The following MACROD2 variants were observed in gnomAD, a reference collection of about 807,000 sequenced individuals.
The protein encoded by MACROD2 is mono-ADP ribosylhydrolase 2.
MACROD2 carries 36 observed loss-of-function variants against 70.4 expected under a neutral mutation model. That is an observed-to-expected ratio of 0.51 (90% CI 0.39 to 0.68). The LOEUF is 0.68. Among genes scored for constraint, MACROD2 ranks in the 30% least tolerant of loss-of-function variants. MACROD2 has a pLI of 0.00. For synonymous variants in MACROD2, 172 were observed against 178.8 expected (o/e 0.96, Z 0.30); for missense variants, 496 against 538.4 (o/e 0.92, Z 0.78).
intron 6 of MACROD2, among the ~76,000 whole-genome samples, chr20:15,405,773 T>G (rs2045991714): frequency 6.6e-6 from 1 of 152,196 alleles, no homozygotes; most frequent in South Asian, 2.1e-4. Context: ...TCCATTCTCT[T>G]GCTCTCTTGA....
intron 15 of MACROD2, among the ~76,000 whole-genome samples, chr20:15,997,581 A>C (rs772578449): frequency 6.6e-5 from 10 of 152,148 alleles, no homozygotes; most frequent in Non-Finnish European, 1.5e-4. Context: ...TATTAGTTTT[A>C]ACAGTTTTTT....
intron 5 of MACROD2, among the ~76,000 whole-genome samples, chr20:14,801,980 T>C (rs1041077390): frequency 2.6e-5 from 4 of 152,088 alleles, no homozygotes; most frequent in African/African-American, 9.7e-5. Flanking sequence ...TATCAGTGAC[T>C]TTGAGGACTT....
intron 15 of MACROD2, among the ~76,000 whole-genome samples, chr20:16,011,556 T>C (rs1331089151): frequency 6.6e-6 from 1 of 152,176 alleles, no homozygotes; most frequent in African/African-American, 2.4e-5. Context: ...TTAAAGGAAA[T>C]GCCTGTGTGA....
At chr20:15,980,087 A>G (rs552629189) in intron 13 of MACROD2, among the ~76,000 whole-genome samples, 34 of 152,336 alleles carry the variant, frequency 2.2e-4, no homozygotes, top group Middle Eastern at 3.4e-3. Context: ...GGCTGCATGC[A>G]CCGGTGGTCA....
At chr20:15,385,648 A>T (rs1334057873) in intron 6 of MACROD2, among the ~76,000 whole-genome samples, 1 of 152,136 alleles carries the variant, frequency 6.6e-6, no homozygotes, top group African/African-American at 2.4e-5. Flanking sequence ...TTCTCCCTAG[A>T]TAGGTCCATT....
intron 3 of MACROD2, among the ~76,000 whole-genome samples, chr20:14,305,593 A>G (rs2082513210): frequency 1.3e-5 from 2 of 152,174 alleles, no homozygotes; most frequent in Non-Finnish European, 2.9e-5. Context: ...ATAGTAGAGC[A>G]TGGCATACTA....
intron 9 of MACROD2, among the ~76,000 whole-genome samples, chr20:15,880,065 AG>A (rs2064732974): frequency 6.6e-6 from 1 of 152,092 alleles, no homozygotes; most frequent in South Asian, 2.1e-4. Flanking sequence ...CACTCACATC[AG>A]GGAGGGCAGT....
intron 3 of MACROD2, among the ~76,000 whole-genome samples, chr20:14,234,274 A>G (rs976072810): frequency 6.6e-6 from 1 of 152,220 alleles, no homozygotes; most frequent in African/African-American, 2.4e-5. Flanking sequence ...TTAAAAAACC[A>G]TGTATTCTAT....
At chr20:15,311,799 G>A (rs1019379699) in intron 6 of MACROD2, among the ~76,000 whole-genome samples, 2 of 152,132 alleles carry the variant, frequency 1.3e-5, no homozygotes, top group African/African-American at 4.8e-5. Flanking sequence ...GAGGGAAAGG[G>A]GGACAGGAGT....
Position 15,933,143 on chromosome 20 carries a change from A to G in MACROD2, c.776-133A>G, listed in dbSNP as rs1002665989. ...TTTTTCTGTTTCATGCCTCTGATTC[A>G]TCTCTCTGCCTGGCTTTATGGGGAG... On this transcript the variant is annotated intron_variant, in intron 10 of 17. Transcript: ENST00000684519. 8 of 751,540 alleles carry G rather than the reference A, an allele frequency of 1.1e-5. No individual in the cohort carries two copies. The African/African-American group carries it at 1.4e-4, about 13-fold the overall frequency. The allele number at this position is 751,540 out of a possible 1,614,324, so 46.6% of individuals were successfully genotyped here.
At chr20:14,818,240 G>A (rs970036051) in intron 5 of MACROD2, among the ~76,000 whole-genome samples, 1 of 152,128 alleles carries the variant, frequency 6.6e-6, no homozygotes, top group African/African-American at 2.4e-5. Context: ...GTAATGGGCA[G>A]AGGCAGTGAA....
At chr20:14,317,308 C>T (rs1180474381) in intron 3 of MACROD2, among the ~76,000 whole-genome samples, 1 of 152,052 alleles carries the variant, frequency 6.6e-6, no homozygotes, top group East Asian at 1.9e-4. Context: ...CTTTATATTC[C>T]TTTGAGTTTT....
At chr20:16,009,522 C>T (rs536745857) in intron 15 of MACROD2, among the ~76,000 whole-genome samples, 2 of 152,168 alleles carry the variant, frequency 1.3e-5, no homozygotes, top group African/African-American at 2.4e-5. Context: ...TTCGGGAGGC[C>T]GAGGCGGGCA....
chr20:14,875,765 C>T (rs1445248087), intron 5 of MACROD2, among the ~76,000 whole-genome samples: 1 of 152,058 alleles, frequency 6.6e-6, no homozygotes, highest in Non-Finnish European at 1.5e-5. Context: ...TGTTCATTCA[C>T]TTAGGATAAT....
At chr20:14,424,560 T>C (rs1016333747) in intron 3 of MACROD2, among the ~76,000 whole-genome samples, 5 of 152,236 alleles carry the variant, frequency 3.3e-5, no homozygotes, top group African/African-American at 1.2e-4. Flanking sequence ...AATTTCTTCT[T>C]TGTTTACAAT....
intron 3 of MACROD2, among the ~76,000 whole-genome samples, chr20:14,485,372 A>G (rs559903281): frequency 2.6e-4 from 40 of 152,190 alleles, no homozygotes; most frequent in Non-Finnish European, 3.2e-4. Context: ...TATTTTTGTC[A>G]TAACCTCAGA....
chr20:15,837,683 C>CA lies in MACROD2; in HGVS notation c.646-25058dup, dbSNP rs1392242167. On this transcript the variant is annotated intron_variant, in intron 8 of 17. Coordinates refer to ENST00000684519, the MANE Select transcript of MACROD2 (RefSeq NM_001351661.2). ...AACTTGATTTGCCCCATATTATTAA[C>CA]AAAACAATTTTATTAACATATATAT... Among the ~76,000 whole-genome samples, 3 of 152,228 alleles carry CA rather than the reference C, an allele frequency of 2.0e-5. No individual in the cohort carries two copies. The East Asian group carries it at 5.8e-4, about 29-fold the overall frequency.
chr20:15,295,345 T>G (rs187453986), intron 6 of MACROD2, among the ~76,000 whole-genome samples: 65 of 152,312 alleles, frequency 4.3e-4, no homozygotes, highest in African/African-American at 1.4e-3. Context: ...TCTAATATAG[T>G]TCCTAATAAC....
At position 15,862,938 on chromosome 20, in the gene MACROD2, C is replaced by G. The variant is rs189597920; in HGVS notation, c.727+112C>G. On this transcript the variant is annotated intron_variant, in intron 9 of 17. Coordinates refer to ENST00000684519, the MANE Select transcript of MACROD2 (RefSeq NM_001351661.2). ...AGGACTGTTACACATGGTGATCCTG[C>G]CAACTTGTATCATAGTTTCTAAGAA... is the stretch of plus-strand genomic sequence containing the variant. 2.0e-4 allele frequency: 146 copies of G among 739,000 alleles called. No individual in the cohort carries two copies. In the African/African-American group the frequency reaches 2.0e-3, roughly 10 times the overall value. The allele number at this position is 739,000 out of a possible 1,614,324, so 45.8% of individuals were successfully genotyped here.
Sources: gnomAD v4.1 joint callset for allele counts (sites outside exome capture counted in the v4.1 genomes callset) on GRCh38, gnomAD v4.1.1 for gene constraint, MANE v1.5 for transcripts, NCBI Gene and HGNC (gene_info 2026-07-23, HGNC 2026-07-21) for gene names.